The following FBXO11 variants were observed in gnomAD, a reference collection of about 807,000 sequenced individuals.
FBXO11 encodes the protein F-box only protein 11.
Under a neutral mutation model 117.0 loss-of-function variants are expected in FBXO11, and 13 were observed. The observed-to-expected ratio is 0.11, with a 90% CI of 0.07 to 0.18. The LOEUF (loss-of-function observed/expected upper bound fraction) is 0.18, where lower values mean the gene tolerates loss of function less well. FBXO11 is among the 10% of genes least tolerant of loss of function. The pLI is 1.00. For missense variants in FBXO11, 767 were observed against 1,164.4 expected (o/e 0.66, Z 4.97); for synonymous variants, 490 against 380.5 (o/e 1.29, Z -3.35).
At chr2:47,895,117 C>T (rs1487386393) in intron 1 of FBXO11, among the ~76,000 whole-genome samples, 11 of 152,058 alleles carry the variant, frequency 7.2e-5, no homozygotes, top group Admixed American at 7.2e-4. Flanking sequence ...ATGATATATG[C>T]TGAGGTATAA....
chr2:47,809,601 T>A lies in FBXO11; in HGVS notation c.2445A>T (p.Lys815Asn). The A allele has an allele frequency of 6.2e-7, 1 of 1,608,174 alleles. No homozygotes were observed. Among genetic ancestry groups the A allele is most frequent in the Non-Finnish European group, 8.5e-7 (1 of 1,175,278 alleles). The change falls in exon 20 of 23, where the codon AAA (lysine) becomes AAT (asparagine). Residue 815 changes from lysine (K) to asparagine (N), a missense_variant and splice_region_variant. Physicochemically the swap from Lys to Asn is moderately conservative, Grantham distance 94. Coordinates refer to ENST00000403359, the MANE Select transcript of FBXO11 (RefSeq NM_001190274.2). ...TAGGTATAGCAGACTCCAACATACC[T>A]TTCATTGTCACATTAACACCAGATG... ...FLASGVNVTMKDNKIMNNQDA... is the reference protein window; with the variant it reads ...FLASGVNVTMNDNKIMNNQDA...
intron 1 of FBXO11, among the ~76,000 whole-genome samples, chr2:47,867,092 TTTAA>T (rs909948583): frequency 1.3e-5 from 2 of 152,238 alleles, no homozygotes; most frequent in African/African-American, 2.4e-5. Flanking sequence ...CATTGCTTCA[TTTAA>T]TTAATTGCTT....
At chr2:47,875,520 T>G (rs1269688424) in intron 1 of FBXO11, among the ~76,000 whole-genome samples, 2 of 151,224 alleles carry the variant, frequency 1.3e-5, no homozygotes, top group African/African-American at 2.4e-5. Flanking sequence ...TAGCACAGTA[T>G]AAATAATTGA....
chr2:47,839,369 A>T (rs760333578), intron 3 of FBXO11, 50 bp downstream of exon 3: 4 of 1,536,186 alleles, frequency 2.6e-6, no homozygotes, highest in Admixed American at 4.1e-5. Flanking sequence ...TATCAAGCAA[A>T]ATTAAAAAAA....
chr2:47,902,576 CACACAT>C (rs1051953247), intron 1 of FBXO11, among the ~76,000 whole-genome samples: 10 of 152,056 alleles, frequency 6.6e-5, no homozygotes, highest in African/African-American at 1.2e-4. Flanking sequence ...CACATACACA[CACACAT>C]ACACATACAC....
intron 1 of FBXO11, among the ~76,000 whole-genome samples, chr2:47,863,129 CA>C (rs1388097643): frequency 2.1e-5 from 3 of 142,556 alleles, no homozygotes; most frequent in South Asian, 2.3e-4. Context: ...CAAAACGAAA[CA>C]AAAGTTTTCC....
At position 47,905,598 on chromosome 2, in the gene FBXO11, GGGCGGCTGCTGCTGGGGCGGCTGC is replaced by G. The variant is rs1185209003; in HGVS notation, c.99_122del (p.Pro35_Gln42del). 1.7e-5 allele frequency: 22 copies of G among 1,294,084 alleles called. No individual in the cohort carries two copies. The highest frequency in any genetic ancestry group is 1.9e-5 in the Non-Finnish European group (19 of 1,021,328). 80.2% of individuals were successfully genotyped at this position (1,294,084 alleles called of 1,614,324 possible). A position where few individuals can be genotyped will look rare whatever the true frequency, so the allele number is the denominator to read the frequency against. ...GCGGCGGCGGCGGAGGCTGCTGCTG[GGGCGGCTGCTGCTGGGGCGGCTGC>G]GGCGGCGGCTGCTGCGGGGGCTGCT... On this transcript the variant is annotated inframe_deletion, in exon 1 of 23. Transcript: ENST00000403359.
In FBXO11 at chr2:47,813,222, TAAC is replaced by T. The variant is rs766519174; in HGVS notation, c.2227+9_2227+11del. 1.6e-4 allele frequency: 264 copies of T among 1,612,878 alleles called. No individual in the cohort carries two copies. The highest frequency in any genetic ancestry group is 3.5e-4 in the African/African-American group (26 of 74,958). On this transcript the variant is annotated intron_variant, in intron 18 of 22. Transcript: ENST00000403359. Reference sequence around the variant, plus strand: ...ACTGGATTTTTCACTAATGCAAAATTAACAACAATACCTCGACCCCCATTAAAT... The same window carrying T: ...ACTGGATTTTTCACTAATGCAAAATTAACAATACCTCGACCCCCATTAAAT...
At chr2:47,845,869 C>G (rs1673367264) in intron 1 of FBXO11, among the ~76,000 whole-genome samples, 1 of 150,856 alleles carries the variant, frequency 6.6e-6, no homozygotes, top group South Asian at 2.1e-4. Context: ...CTAGTGGTGG[C>G]TTATCTCCTA....
At chr2:47,860,459 G>A (rs1423969803) in intron 1 of FBXO11, among the ~76,000 whole-genome samples, 1 of 149,864 alleles carries the variant, frequency 6.7e-6, no homozygotes, top group African/African-American at 2.5e-5. Context: ...CGCCCAGAGT[G>A]GAGCGCAGTG....
chr2:47,842,787 A>T (rs1015983779), intron 1 of FBXO11, among the ~76,000 whole-genome samples: 2 of 151,808 alleles, frequency 1.3e-5, no homozygotes, highest in African/African-American at 4.8e-5. Flanking sequence ...TTTAAAAAAA[A>T]AAAAAAAAAA....
chr2:47,819,057 T>C lies in FBXO11; in HGVS notation c.1819A>G (p.Ile607Val). 2 of 1,613,540 alleles carry C rather than the reference T, an allele frequency of 1.2e-6. No individual in the cohort carries two copies. The change falls in exon 15 of 23, where the codon ATA becomes GTA. Residue 607 changes from isoleucine (I) to valine (V), a missense_variant. Coordinates refer to ENST00000403359, the MANE Select transcript of FBXO11 (RefSeq NM_001190274.2). ...IYVHEKGQGV[I>V]EENEVYSNTL... ...TTACTATAAACTTCATTCTCTTCTA[T>C]TACTCCTTGTCCCTTTTCATGCTAA...
chr2:47,865,331 T>A (rs1338181163), intron 1 of FBXO11, among the ~76,000 whole-genome samples: 1 of 152,202 alleles, frequency 6.6e-6, no homozygotes, highest in African/African-American at 2.4e-5. Flanking sequence ...GCCAATGGGC[T>A]ACATGGCCAA....
At chr2:47,814,565 G>T (rs537440823) in intron 16 of FBXO11, among the ~76,000 whole-genome samples, 1 of 151,960 alleles carries the variant, frequency 6.6e-6, no homozygotes, top group Non-Finnish European at 1.5e-5. Context: ...TTTTTGTAGA[G>T]ATGGAGTTTT....
In FBXO11 at chr2:47,899,223, G is replaced by C. The variant is rs187047542; in HGVS notation, c.232+6266C>G. On this transcript the variant is annotated intron_variant, in intron 1 of 22. Transcript: ENST00000403359. ...CGGGAGGCGGAGCTTGCGGTGAGCCGAAATCGCGCCACTGTACTCCAGCCT... is the reference window on the plus strand; with the variant it reads ...CGGGAGGCGGAGCTTGCGGTGAGCCCAAATCGCGCCACTGTACTCCAGCCT... Among the ~76,000 whole-genome samples the C allele has an allele frequency of 6.1e-3, 827 of 136,340 alleles. 6 individuals are homozygous for C. The highest frequency in any genetic ancestry group is 6.6e-3 in the Non-Finnish European group (437 of 65,942). 89.4% of individuals were successfully genotyped at this position (136,340 alleles called of 152,430 possible).
chr2:47,846,659 G>A (rs1430330948), intron 1 of FBXO11, among the ~76,000 whole-genome samples: 3 of 151,894 alleles, frequency 2.0e-5, no homozygotes, highest in East Asian at 1.9e-4. Context: ...GAAATAGAAC[G>A]CAATCCACAT....
chr2:47,838,330 T>A (rs1672747991), intron 4 of FBXO11, among the ~76,000 whole-genome samples: 1 of 152,204 alleles, frequency 6.6e-6, no homozygotes. Context: ...GTTCATTCCC[T>A]TAATTCTGGA....
chr2:47,850,120 A>T (rs1157940132), intron 1 of FBXO11, among the ~76,000 whole-genome samples: 1 of 152,154 alleles, frequency 6.6e-6, no homozygotes, highest in Non-Finnish European at 1.5e-5. Flanking sequence ...GATATATGAG[A>T]TACAAGATAA....
At position 47,838,932 on chromosome 2, in the gene FBXO11, G is replaced by A. The variant is rs777108933; in HGVS notation, c.514C>T (p.Leu172=). The change falls in exon 4 of 23, where the codon CTG becomes TTG. Residue 172 remains leucine (L), a synonymous_variant. Transcript: ENST00000403359. ...GCTGCTCTACAAAGATCCTGTTCCA[G>A]CAAGTAAGAGAAGATTTTTAGAACC... ...EVVLKIFSYL[L]EQDLCRAACV... is the part of the protein sequence containing the mutation. 3 of 1,614,024 alleles carry A rather than the reference G, an allele frequency of 1.9e-6. No individual in the cohort carries two copies. Among genetic ancestry groups the A allele is most frequent in the Non-Finnish European group, 2.5e-6 (3 of 1,179,930 alleles).
Sources: allele counts gnomAD v4.1 joint callset (sites outside exome capture counted in the v4.1 genomes callset), GRCh38; gene constraint gnomAD v4.1.1; transcripts MANE v1.5; gene names NCBI Gene and HGNC (gene_info 2026-07-23, HGNC 2026-07-21).